Variants in FBXO25 observed in about 807,000 individuals in gnomAD.
The protein encoded by FBXO25 is F-box protein 25.
A neutral mutation model predicts 51.9 loss-of-function variants in FBXO25; 45 were observed. That is an observed-to-expected ratio of 0.87 (90% CI 0.68 to 1.11). The LOEUF is 1.11. Among genes scored for constraint, FBXO25 ranks in the 50% most tolerant of loss-of-function variants. The probability of loss-of-function intolerance (pLI) is 0.00; values close to 1 mark genes in which losing one functional copy is unlikely to be tolerated. For missense variants in FBXO25, 507 were observed against 428.5 expected (o/e 1.18, Z -1.62); for synonymous variants, 199 against 151.0 (o/e 1.32, Z -2.33).
chr8:459,693 C>T (rs1167069575), intron 8 of FBXO25, among the ~76,000 whole-genome samples: 3 of 152,266 alleles, frequency 2.0e-5, no homozygotes, highest in Admixed American at 6.5e-5. Context: ...ATGGGCCTCA[C>T]GGAGTGTGTC....
At position 469,723 on chromosome 8, in the gene FBXO25, T is replaced by C. The variant is rs1164834444; in HGVS notation, c.*919T>C. The C allele has an allele frequency of 6.6e-6, 1 of 152,168 alleles. No individual in the cohort carries two copies. Among genetic ancestry groups the C allele is most frequent in the African/African-American group, 2.4e-5 (1 of 41,430 alleles). The allele number at this position is 152,168 out of a possible 1,614,324, so 9.4% of individuals were successfully genotyped here. On this transcript the variant is annotated 3_prime_UTR_variant, in exon 10 of 10. Coordinates refer to ENST00000350302, the MANE Select transcript of FBXO25 (RefSeq NM_183420.2). Reference sequence around the variant, plus strand: ...ACCACCCAAAGATTATTGTGCATGCTGAAAAGAGTATGAAAAATCCCCTCA... The same window carrying C: ...ACCACCCAAAGATTATTGTGCATGCCGAAAAGAGTATGAAAAATCCCCTCA...
intron 5 of FBXO25, among the ~76,000 whole-genome samples, chr8:440,684 C>G (rs1585053742): frequency 6.6e-6 from 1 of 152,166 alleles, no homozygotes; most frequent in South Asian, 2.1e-4. Context: ...GTTTGCTGCA[C>G]CCATCAACCC....
chr8:434,667 CTAT>C (rs1408636268), intron 4 of FBXO25, among the ~76,000 whole-genome samples: 1 of 152,034 alleles, frequency 6.6e-6, no homozygotes, highest in African/African-American at 2.4e-5. Context: ...CTCATGTTTT[CTAT>C]TATTTTTTTC....
At chr8:426,043 A>G (rs923170988) in intron 2 of FBXO25, among the ~76,000 whole-genome samples, 8 of 152,286 alleles carry the variant, frequency 5.3e-5, no homozygotes, top group African/African-American at 1.7e-4. Flanking sequence ...CGCCTCTACC[A>G]GAACACTGGT....
chr8:442,725 C>T (rs996840986), intron 5 of FBXO25, among the ~76,000 whole-genome samples: 3 of 152,170 alleles, frequency 2.0e-5, no homozygotes, highest in South Asian at 2.1e-4. Context: ...CTGCCTCGGC[C>T]TCCCAAAGTG....
chr8:446,783 G>C lies in FBXO25; in HGVS notation c.382-3207G>C, dbSNP rs552876098. ...GTGTAAGATATTTTTATGTAAATAT[G>C]TTAGAAATCACAGAATGTTTTTTCC... On this transcript the variant is annotated intron_variant, in intron 5 of 9. Transcript: ENST00000350302. Among the ~76,000 whole-genome samples, 6 of 152,276 alleles carry C rather than the reference G, an allele frequency of 3.9e-5. No homozygotes were observed. In the South Asian group the frequency reaches 1.0e-3, roughly 26 times the overall value.
At chr8:466,382 G>A (rs1044090563) in intron 9 of FBXO25, among the ~76,000 whole-genome samples, 1 of 152,200 alleles carries the variant, frequency 6.6e-6, no homozygotes, top group Non-Finnish European at 1.5e-5. Flanking sequence ...ACCACACAGA[G>A]GAGCTGTGGA....
intron 9 of FBXO25, chr8:467,874 G>T: frequency 6.4e-7 from 1 of 1,574,152 alleles, no homozygotes; most frequent in Non-Finnish European, 8.6e-7. Flanking sequence ...GCTTTCTCAG[G>T]ACCCTGAGCA....
At chr8:425,966 C>T (rs1020963145) in intron 2 of FBXO25, among the ~76,000 whole-genome samples, 36 of 151,148 alleles carry the variant, frequency 2.4e-4, no homozygotes, top group Admixed American at 5.9e-4. Context: ...TGGCTCCCCA[C>T]AGTACCTGAT....
intron 2 of FBXO25, among the ~76,000 whole-genome samples, chr8:426,009 G>A (rs1205331470): frequency 2.6e-5 from 4 of 151,712 alleles, no homozygotes; most frequent in African/African-American, 9.7e-5. Context: ...CCCAGTCCCA[G>A]TTGGCCCCTG....
intron 5 of FBXO25, 69 bp from the exon 6 acceptor site, chr8:449,921 T>C (rs1481503074): frequency 2.8e-6 from 3 of 1,056,122 alleles, no homozygotes; most frequent in African/African-American, 3.2e-5. Flanking sequence ...ATGTGTGTTA[T>C]ATCACTGTGG....
chr8:426,300 C>G (rs1797475435), intron 2 of FBXO25, among the ~76,000 whole-genome samples: 1 of 152,154 alleles, frequency 6.6e-6, no homozygotes, highest in Admixed American at 6.5e-5. Flanking sequence ...TTGATAGTCA[C>G]TATTTAGATG....
chr8:424,799 G>C (rs190248950), intron 2 of FBXO25, among the ~76,000 whole-genome samples: 1 of 152,104 alleles, frequency 6.6e-6, no homozygotes, highest in Non-Finnish European at 1.5e-5. Context: ...GTAGTGTGAT[G>C]CCTCTGGCTT....
rs147000068 is a variant in FBXO25 at position 430,225 on chromosome 8, A to C, written c.135-1116A>C. On this transcript the variant is annotated intron_variant, in intron 2 of 9. Coordinates refer to ENST00000350302, the MANE Select transcript of FBXO25 (RefSeq NM_183420.2). The stretch of plus-strand genomic sequence containing the variant: ...TATAGATTCTAAAGCTTCTACATTC[A>C]GTATTTCAATCAATGATAACAAACT... Among the ~76,000 whole-genome samples, 53 of 152,370 alleles carry C rather than the reference A, an allele frequency of 3.5e-4. No homozygotes were observed. In the East Asian group the frequency reaches 9.6e-3, roughly 28 times the overall value.
At chr8:437,986 A>G (rs1211527744) in intron 5 of FBXO25, among the ~76,000 whole-genome samples, 1 of 152,194 alleles carries the variant, frequency 6.6e-6, no homozygotes, top group East Asian at 1.9e-4. Context: ...GCTTGATAAA[A>G]GGTTTCCTTT....
chr8:418,362 T>G (rs1452127535), intron 2 of FBXO25, among the ~76,000 whole-genome samples: 3 of 128,772 alleles, frequency 2.3e-5, no homozygotes, highest in Non-Finnish European at 4.9e-5. Context: ...TTTTTTGAGA[T>G]GGAGTCTTGC....
At chr8:458,266 G>T in intron 7 of FBXO25, 103 bp from the exon 8 acceptor site, 1 of 1,318,224 alleles carries the variant, frequency 7.6e-7, no homozygotes, top group Admixed American at 2.0e-5. Flanking sequence ...CTCTTTTTGT[G>T]TTACCATGTT....
intron 3 of FBXO25, among the ~76,000 whole-genome samples, chr8:432,009 T>C (rs1235537274): frequency 6.6e-6 from 1 of 152,238 alleles, no homozygotes; most frequent in Non-Finnish European, 1.5e-5. Flanking sequence ...TATGGTTTTT[T>C]TTATGTATAT....
intron 4 of FBXO25, among the ~76,000 whole-genome samples, chr8:433,666 C>G (rs1211006673): frequency 1.3e-5 from 2 of 152,094 alleles, no homozygotes; most frequent in African/African-American, 2.4e-5. Context: ...CTTTTATAGG[C>G]CTAGAAACTC....
Sources: gnomAD v4.1 joint callset for allele counts (sites outside exome capture counted in the v4.1 genomes callset) on GRCh38, gnomAD v4.1.1 for gene constraint, MANE v1.5 for transcripts, NCBI Gene and HGNC (gene_info 2026-07-23, HGNC 2026-07-21) for gene names.